NME9: variants seen among roughly 807,000 people sequenced by gnomAD.
NME9 encodes NME/NM23 family member 9, also known as thioredoxin domain-containing protein 6.
A neutral mutation model predicts 44.4 loss-of-function variants in NME9; 48 were observed. The observed-to-expected ratio is 1.08, with a 90% CI of 0.86 to 1.37. The LOEUF (loss-of-function observed/expected upper bound fraction) is 1.37, where lower values mean the gene tolerates loss of function less well. NME9 is among the 40% of genes most tolerant of loss of function. The pLI, the probability that NME9 is intolerant of heterozygous loss-of-function variation, is 0.00. For missense variants in NME9, 325 were observed against 405.2 expected (o/e 0.80, Z 1.70); for synonymous variants, 139 against 147.1 (o/e 0.94, Z 0.40).
At chr3:138,325,106 A>G (rs2053697691) in intron 1 of NME9, among the ~76,000 whole-genome samples, 176 bp from the exon 2 acceptor site, 1 of 152,202 alleles carries the variant, frequency 6.6e-6, no homozygotes, top group Non-Finnish European at 1.5e-5. Flanking sequence ...CCTACCCAGA[A>G]AAAAACACTA....
chr3:138,326,651 T>C (rs1238963396), intron 1 of NME9, among the ~76,000 whole-genome samples: 1 of 150,578 alleles, frequency 6.6e-6, no homozygotes, highest in African/African-American at 2.4e-5. Flanking sequence ...GCCAGGCTGG[T>C]CGTGAACTCC....
At chr3:138,328,926 T>G (rs911421181) in intron 1 of NME9, among the ~76,000 whole-genome samples, 4 of 152,194 alleles carry the variant, frequency 2.6e-5, no homozygotes, top group Non-Finnish European at 5.9e-5. Flanking sequence ...TATACTGTAT[T>G]CTCTGTGCAA....
intron 2 of NME9, among the ~76,000 whole-genome samples, chr3:138,320,948 GCCTGCATC>G (rs1329780879): frequency 6.6e-6 from 1 of 152,208 alleles, no homozygotes; most frequent in East Asian, 1.9e-4. Flanking sequence ...TCTTGGACTT[GCCTGCATC>G]CAGAATTGTA....
At position 138,306,468 on chromosome 3, in the gene NME9, C is replaced by G; in HGVS notation, c.473G>C (p.Arg158Thr). 6.2e-7 allele frequency: 1 copy of G among 1,607,448 alleles called. No individual in the cohort carries two copies. Among genetic ancestry groups the G allele is most frequent in the South Asian group, 1.1e-5 (1 of 89,574 alleles). The change falls in exon 7 of 11, where the codon AGG becomes ACG. Residue 158 changes from arginine to threonine, a missense_variant. Coordinates refer to ENST00000333911, the MANE Select transcript of NME9 (RefSeq NM_001349018.2). ...TTTAATGATGGCCAAGGTACAGGTC[C>G]TCTCTGATGAAACTAAGCCAAAAAA... ...GEDEDMVSSERTCTLAIIKPD... is the reference protein window; with the variant it reads ...GEDEDMVSSETTCTLAIIKPD...
In NME9 at chr3:138,291,586, G is replaced by A. The variant is rs183373501; in HGVS notation, c.745+11921C>T. ...AGATAGATGATAAGCAAATGAATAC[G>A]TAACACAGTATCAGGTGATGAGAGG... On this transcript the variant is annotated intron_variant, in intron 8 of 8. Coordinates refer to the NME9 transcript ENST00000317876. Among the ~76,000 whole-genome samples, 171 of 152,282 alleles carry A rather than the reference G, an allele frequency of 1.1e-3. 3 individuals carry two copies. Among genetic ancestry groups the A allele is most frequent in the Admixed American group, 0.011 (164 of 15,292 alleles).
chr3:138,277,518 C>T (rs920286657), intron 8 of NME9, among the ~76,000 whole-genome samples: 3 of 152,100 alleles, frequency 2.0e-5, no homozygotes, highest in African/African-American at 7.2e-5. Flanking sequence ...TGACTTGTGT[C>T]CAGAATATTT....
chr3:138,276,065 A>T (rs984035163), intron 8 of NME9, among the ~76,000 whole-genome samples: 3 of 152,220 alleles, frequency 2.0e-5, no homozygotes, highest in African/African-American at 7.2e-5. Context: ...AAAGCGAAGC[A>T]AGACAGAAAG....
chr3:138,307,287 C>T (rs1271924023), intron 6 of NME9, among the ~76,000 whole-genome samples: 1 of 152,176 alleles, frequency 6.6e-6, no homozygotes, highest in Non-Finnish European at 1.5e-5. Flanking sequence ...GATCAGAGTC[C>T]ACTGCTTAGT....
At chr3:138,327,384 TCAC>T (rs2053864778) in intron 1 of NME9, among the ~76,000 whole-genome samples, 1 of 151,910 alleles carries the variant, frequency 6.6e-6, no homozygotes, top group Non-Finnish European at 1.5e-5. Context: ...CAGACTTAAG[TCAC>T]CAGCAGCTCT....
At chr3:138,307,784 G>A (rs2052384985) in intron 6 of NME9, among the ~76,000 whole-genome samples, 1 of 152,214 alleles carries the variant, frequency 6.6e-6, no homozygotes, top group African/African-American at 2.4e-5. Flanking sequence ...CAGAGACATA[G>A]AAGGAAAACA....
chr3:138,308,369 TCA>T (rs1047165128), intron 6 of NME9, among the ~76,000 whole-genome samples: 37 of 152,148 alleles, frequency 2.4e-4, no homozygotes, highest in African/African-American at 8.9e-4. Context: ...CCCTCATGTC[TCA>T]GTTACCACCA....
At chr3:138,318,946 C>G (rs2053282112) in intron 3 of NME9, among the ~76,000 whole-genome samples, 1 of 152,074 alleles carries the variant, frequency 6.6e-6, no homozygotes, top group South Asian at 2.1e-4. Context: ...GCCTGTAATC[C>G]CAACACTTTG....
At chr3:138,288,885 C>A (rs1476345101) in intron 8 of NME9, 3 of 570,288 alleles carry the variant, frequency 5.3e-6, no homozygotes, top group African/African-American at 3.8e-5. Context: ...CTTCCACCTG[C>A]CTTGGTCTCC....
intron 8 of NME9, chr3:138,264,063 C>A: frequency 7.0e-7 from 1 of 1,425,012 alleles, no homozygotes; most frequent in Non-Finnish European, 9.9e-7. Flanking sequence ...TTGTAAAATG[C>A]CAGCCAGTTT....
intron 2 of NME9, 172 bp downstream of exon 2, chr3:138,324,700 AC>A: frequency 1.4e-5 from 1 of 72,566 alleles, no homozygotes; most frequent in Non-Finnish European, 3.2e-5. Flanking sequence ...AGATACACAC[AC>A]ACACACACAC....
chr3:138,321,762 T>C (rs951513480), intron 2 of NME9, among the ~76,000 whole-genome samples: 1 of 151,684 alleles, frequency 6.6e-6, no homozygotes, highest in Non-Finnish European at 1.5e-5. Context: ...ATGAAAAGAA[T>C]GTAGGCAAAA....
intron 8 of NME9, among the ~76,000 whole-genome samples, chr3:138,273,777 C>G (rs1389310530): frequency 1.3e-5 from 2 of 151,652 alleles, no homozygotes; most frequent in East Asian, 3.9e-4. Context: ...TTTTCCATGT[C>G]TCTGGCTTCC....
chr3:138,303,366 A>G (rs1577115595), intron 10 of NME9, 141 bp downstream of exon 10: 3 of 577,896 alleles, frequency 5.2e-6, no homozygotes, highest in Non-Finnish European at 6.2e-6. Context: ...TTATATAATG[A>G]CCTGTATTTT....
Position 138,329,715 on chromosome 3 carries a change from G to A in NME9, c.-380C>T. ...AGTCGAGGAATTCTGACAAAAAAAC[G>A]ACATGGGACCCTGTTATCCCTGCTG... is the stretch of plus-strand genomic sequence containing the variant. On this transcript the variant is annotated 5_prime_UTR_variant, in exon 1 of 11. Coordinates refer to ENST00000333911, the MANE Select transcript of NME9 (RefSeq NM_001349018.2). The A allele has an allele frequency of 1.8e-6, 2 of 1,108,000 alleles. No individual in the cohort carries two copies. Among genetic ancestry groups the A allele is most frequent in the Non-Finnish European group, 2.2e-6 (2 of 906,726 alleles). 68.6% of individuals were successfully genotyped at this position (1,108,000 alleles called of 1,614,324 possible). A position where few individuals can be genotyped will look rare whatever the true frequency, so the allele number is the denominator to read the frequency against.
Sources: allele counts gnomAD v4.1 joint callset (sites outside exome capture counted in the v4.1 genomes callset), GRCh38; gene constraint gnomAD v4.1.1; transcripts MANE v1.5; gene names NCBI Gene and HGNC (gene_info 2026-07-23, HGNC 2026-07-21).